The following CRB2 variants were observed in gnomAD, a reference collection of about 807,000 sequenced individuals.
CRB2 encodes the protein protein crumbs homolog 2.
A neutral mutation model predicts 110.9 loss-of-function variants in CRB2; 85 were observed. That is an observed-to-expected ratio of 0.77 (90% CI 0.64 to 0.92). The LOEUF (loss-of-function observed/expected upper bound fraction) is 0.92. CRB2 is among the 40% of genes least tolerant of loss of function. The probability of loss-of-function intolerance (pLI) is 0.00; values close to 1 mark genes in which losing one functional copy is unlikely to be tolerated. For synonymous variants in CRB2, 907 were observed against 831.0 expected (o/e 1.09, Z -1.57); for missense variants, 1,843 against 1,851.3 (o/e 1.00, Z 0.08).
chr9:123,378,989 A>G (rs2042157094), downstream of CRB2, among the ~76,000 whole-genome samples: 1 of 151,360 alleles, frequency 6.6e-6, no homozygotes, highest in African/African-American at 2.4e-5. Context: ...GGGCTTCACC[A>G]TCTTGGCCAG....
rs973479734 is a variant in CRB2 at position 123,374,164 on chromosome 9, T to C, written c.3389+244T>C. The C allele has an allele frequency of 6.9e-5, 46 of 662,864 alleles. No homozygotes were observed. The African/African-American group carries it at 7.1e-4, about 10-fold the overall frequency. 41.1% of individuals were successfully genotyped at this position (662,864 alleles called of 1,614,324 possible). A position where few individuals can be genotyped will look rare whatever the true frequency, so the allele number is the denominator to read the frequency against. On this transcript the variant is annotated intron_variant, in intron 10 of 12. Transcript: ENST00000373631. Reference sequence around the variant, plus strand: ...TCTGGGGCTGGGAGCCGCCTGCCGCTTACACGGAGGTTCATCCCTATTGGT... The same window carrying C: ...TCTGGGGCTGGGAGCCGCCTGCCGCCTACACGGAGGTTCATCCCTATTGGT...
intron 3 of CRB2, 25 bp downstream of exon 3, chr9:123,366,137 C>T (rs983060259): frequency 2.2e-6 from 3 of 1,392,404 alleles, no homozygotes; most frequent in Admixed American, 6.8e-5. Flanking sequence ...GGGCAGGCGG[C>T]AGGGGCGCCG....
intron 1 of CRB2, among the ~76,000 whole-genome samples, chr9:123,359,436 GTT>G (rs1319039345): frequency 3.2e-5 from 2 of 62,420 alleles, no homozygotes; most frequent in Non-Finnish European, 6.3e-5. Flanking sequence ...TTTCGTTTTT[GTT>G]TTGTTTTTTT....
At chr9:123,356,173 G>A, upstream of CRB2, 1 of 881,718 alleles carries the variant, frequency 1.1e-6, no homozygotes, top group East Asian at 3.0e-5. Context: ...CAGCATTAGT[G>A]CTGGTTGGAG....
rs1265228150 is a variant in CRB2 at position 123,371,452 on chromosome 9, G to A, written c.2310G>A (p.Leu770=). The stretch of plus-strand genomic sequence containing the variant: ...CCTTCCGAGGCTGCCTCCAGGACCT[G>A]CGACTCGATGGCTGCCACCTCCCCT... ...GGPFRGCLQD[L]RLDGCHLPFF... The change falls in exon 8 of 13, where the codon CTG becomes CTA. Residue 770 remains leucine, a synonymous_variant. Coordinates refer to ENST00000373631, the MANE Select transcript of CRB2 (RefSeq NM_173689.7). The A allele has an allele frequency of 6.2e-7, 1 of 1,613,092 alleles. No individual in the cohort carries two copies. The highest frequency in any genetic ancestry group is 8.5e-7 in the Non-Finnish European group (1 of 1,180,026).
At chr9:123,372,434 G>A in intron 9 of CRB2, 92 bp downstream of exon 9, 2 of 1,465,210 alleles carry the variant, frequency 1.4e-6, no homozygotes, top group Non-Finnish European at 1.8e-6. Context: ...GTAGGATACT[G>A]GTGGACCAGG....
chr9:123,371,327 G>C lies in CRB2; in HGVS notation c.2185G>C (p.Val729Leu). The change falls in exon 8 of 13, where the codon GTG becomes CTG. Residue 729 changes from valine to leucine, a missense_variant. Val to Leu is a conservative substitution (Grantham distance 32). Transcript: ENST00000373631. ...CTGGGATGATGGGCTCCGTCACCTG[G>C]TGATGCTCAGCTTCGGGCCTGACCA... ...GRWDDGLRHL[V>L]MLSFGPDQLQ... is the part of the protein sequence containing the mutation. 1.9e-6 allele frequency: 3 copies of C among 1,609,340 alleles called. No individual in the cohort carries two copies. Among genetic ancestry groups the C allele is most frequent in the Non-Finnish European group, 2.5e-6 (3 of 1,177,296 alleles).
chr9:123,366,278 G>T lies in CRB2; in HGVS notation c.666G>T (p.Arg222=). 6.6e-7 allele frequency: 1 copy of T among 1,511,362 alleles called. No individual in the cohort carries two copies. The allele number at this position is 1,511,362 out of a possible 1,614,324, so 93.6% of individuals were successfully genotyped here. ...GCTACGAGGGCACGCACTGCGAGCG[G>T]GAGGTGCTGGAGTGCGCATCGGCGC... ...GTGYEGTHCE[R]EVLECASAPC... is the part of the protein sequence containing the mutation. The change falls in exon 4 of 13, where the codon CGG becomes CGT. Residue 222 remains arginine, a synonymous_variant. Coordinates refer to ENST00000373631, the MANE Select transcript of CRB2 (RefSeq NM_173689.7).
At chr9:123,364,092 C>T (rs2041899730) in intron 2 of CRB2, among the ~76,000 whole-genome samples, 2 of 152,132 alleles carry the variant, frequency 1.3e-5, no homozygotes, top group African/African-American at 4.8e-5. Flanking sequence ...GGCAGGGGGC[C>T]TACAGCGAAG....
chr9:123,357,379 G>A (rs2041812177), intron 1 of CRB2, among the ~76,000 whole-genome samples: 1 of 152,032 alleles, frequency 6.6e-6, no homozygotes, highest in Non-Finnish European at 1.5e-5. Flanking sequence ...GGCTGGGGGA[G>A]CCCTCCCTGC....
chr9:123,363,564 C>G (rs907303297), intron 2 of CRB2, among the ~76,000 whole-genome samples: 3 of 152,256 alleles, frequency 2.0e-5, no homozygotes, highest in African/African-American at 7.2e-5. Flanking sequence ...AGGCCTGTGC[C>G]AAGCTGTCAT....
At position 123,373,552 on chromosome 9, in the gene CRB2, T is replaced by C. The variant is rs7848449; in HGVS notation, c.3021T>C (p.Ala1007=). 0.097 allele frequency: 143,113 copies of C among 1,482,736 alleles called. 7,989 individuals carry two copies. Among genetic ancestry groups the C allele is most frequent in the African/African-American group, 0.22 (15,320 of 68,996 alleles). 91.8% of individuals were successfully genotyped at this position (1,482,736 alleles called of 1,614,324 possible). A position where few individuals can be genotyped will look rare whatever the true frequency, so the allele number is the denominator to read the frequency against. ...QGPGAVRILL[A]ENFTGCLGRV... is the part of the protein sequence containing the mutation. ...CGGGTGCTGTGCGCATCCTGCTGGC[T>C]GAGAACTTCACCGGCTGCTTGGGCC... is the stretch of plus-strand genomic sequence containing the variant. The change falls in exon 10 of 13, where the codon GCT becomes GCC. Residue 1007 remains alanine (A), a synonymous_variant. Transcript: ENST00000373631.
At position 123,373,564 on chromosome 9, in the gene CRB2, CG is replaced by C; in HGVS notation, c.3035del (p.Gly1012AlafsTer129). On this transcript the variant is annotated frameshift_variant, in exon 10 of 13. Transcript: ENST00000373631. LOFTEE classifies it high-confidence loss of function. Reference sequence around the variant, plus strand: ...GCATCCTGCTGGCTGAGAACTTCACCGGCTGCTTGGGCCGCGTGGCGCTGGG... The same window carrying C: ...GCATCCTGCTGGCTGAGAACTTCACCGCTGCTTGGGCCGCGTGGCGCTGGG... ...VRILLAENFT[G>X]CLGRVALGGL... The C allele has an allele frequency of 6.8e-7, 1 of 1,471,402 alleles. No homozygotes were observed. The highest frequency in any genetic ancestry group is 1.3e-5 in the South Asian group (1 of 75,352). The allele number at this position is 1,471,402 out of a possible 1,614,324, so 91.1% of individuals were successfully genotyped here. A position where few individuals can be genotyped will look rare whatever the true frequency, so the allele number is the denominator to read the frequency against.
chr9:123,355,553 GA>G (rs1231921418), upstream of CRB2, among the ~76,000 whole-genome samples: 1 of 149,802 alleles, frequency 6.7e-6, no homozygotes, highest in East Asian at 2.0e-4. Context: ...CCGATGGTGG[GA>G]GGAGCTGTGT....
chr9:123,358,290 G>C (rs549278024), intron 1 of CRB2, among the ~76,000 whole-genome samples: 7 of 152,280 alleles, frequency 4.6e-5, no homozygotes, highest in Admixed American at 4.6e-4. Context: ...ACAAAGGCCC[G>C]GCTGGTTGCC....
chr9:123,358,438 C>A (rs2041824582), intron 1 of CRB2, among the ~76,000 whole-genome samples: 1 of 152,192 alleles, frequency 6.6e-6, no homozygotes, highest in Admixed American at 6.5e-5. Context: ...CCTCCTCCAG[C>A]CAGAAGGGGG....
upstream of CRB2, among the ~76,000 whole-genome samples, chr9:123,354,078 C>T (rs1369046893): frequency 6.6e-6 from 1 of 152,200 alleles, no homozygotes; most frequent in Non-Finnish European, 1.5e-5. Context: ...GACCAGGGAG[C>T]GGTCAAGATG....
At chr9:123,374,722 A>AG (rs1382522578) in intron 11 of CRB2, 27 bp downstream of exon 11, 1 of 1,533,062 alleles carries the variant, frequency 6.5e-7, no homozygotes, top group African/African-American at 1.4e-5. Flanking sequence ...GGGAACTGTG[A>AG]GGAGGTCCAA....
In CRB2 at chr9:123,371,326, G is replaced by A. The variant is rs2042013250; in HGVS notation, c.2184G>A (p.Leu728=). ...PGRWDDGLRH[L]VMLSFGPDQL... ...GCTGGGATGATGGGCTCCGTCACCT[G>A]GTGATGCTCAGCTTCGGGCCTGACC... Residue 728 remains leucine (L), a synonymous_variant, in exon 8 of 13, where the codon CTG becomes CTA. Transcript: ENST00000373631. 1 of 1,609,640 alleles carries A rather than the reference G, an allele frequency of 6.2e-7. No homozygotes were observed. The highest frequency in any genetic ancestry group is 8.5e-7 in the Non-Finnish European group (1 of 1,177,440).
Sources: gnomAD v4.1 joint callset for allele counts (sites outside exome capture counted in the v4.1 genomes callset) on GRCh38, gnomAD v4.1.1 for gene constraint, MANE v1.5 for transcripts, NCBI Gene and HGNC (gene_info 2026-07-23, HGNC 2026-07-21) for gene names.